Variants in CFAP54 observed in about 807,000 individuals in gnomAD.
The protein encoded by CFAP54 is cilia and flagella associated protein 54.
A neutral mutation model predicts 370.4 loss-of-function variants in CFAP54; 290 were observed. That is an observed-to-expected ratio of 0.78 (90% CI 0.71 to 0.86). The LOEUF (loss-of-function observed/expected upper bound fraction) is 0.86. Among genes scored for constraint, CFAP54 ranks in the 40% least tolerant of loss-of-function variants. The probability of loss-of-function intolerance (pLI) is 0.00; values close to 1 mark genes in which losing one functional copy is unlikely to be tolerated. For missense variants in CFAP54, 3,399 were observed against 3,528.7 expected (o/e 0.96, Z 0.93); for synonymous variants, 1,206 against 1,236.5 (o/e 0.98, Z 0.52).
At chr12:96,496,914 G>A (rs1954961013) in intron 1 of CFAP54, among the ~76,000 whole-genome samples, 1 of 152,174 alleles carries the variant, frequency 6.6e-6, no homozygotes, top group Admixed American at 6.5e-5. Context: ...AATGCTGTTT[G>A]TTTTGTTTTT....
At chr12:96,668,931 G>A (rs1957111869) in intron 39 of CFAP54, among the ~76,000 whole-genome samples, 1 of 152,154 alleles carries the variant, frequency 6.6e-6, no homozygotes, top group African/African-American at 2.4e-5. Flanking sequence ...CATTTACTGA[G>A]TATCTGCTAT....
At chr12:96,616,356 C>G (rs2136460229) in intron 26 of CFAP54, among the ~76,000 whole-genome samples, 1 of 145,566 alleles carries the variant, frequency 6.9e-6, no homozygotes, top group African/African-American at 2.6e-5. Context: ...ACACCGGGGC[C>G]TGTCGTGGGG....
At chr12:96,716,670 T>A (rs1033477158) in intron 48 of CFAP54, among the ~76,000 whole-genome samples, 1 of 152,210 alleles carries the variant, frequency 6.6e-6, no homozygotes, top group African/African-American at 2.4e-5. Context: ...ACCCAAGTGC[T>A]GCTATCCTGG....
At chr12:96,572,206 G>T (rs943708550) in intron 19 of CFAP54, among the ~76,000 whole-genome samples, 2 of 152,180 alleles carry the variant, frequency 1.3e-5, no homozygotes, top group East Asian at 3.9e-4. Context: ...TGTTTAGAGG[G>T]TGTGGACAGG....
chr12:96,506,869 G>A, intron 3 of CFAP54, 59 bp from the exon 4 acceptor site: 1 of 1,432,358 alleles, frequency 7.0e-7, no homozygotes, highest in Non-Finnish European at 9.3e-7. Context: ...TTACAGGTGT[G>A]AGCTACTGTT....
intron 36 of CFAP54, among the ~76,000 whole-genome samples, chr12:96,655,200 T>C (rs532146957): frequency 3.2e-4 from 48 of 151,826 alleles, no homozygotes; most frequent in Non-Finnish European, 5.7e-4. Flanking sequence ...GTTTTTTTTT[T>C]CCACCAAAGG....
chr12:96,550,169 T>A (rs1955680013), intron 15 of CFAP54, among the ~76,000 whole-genome samples: 1 of 151,976 alleles, frequency 6.6e-6, no homozygotes. Flanking sequence ...TTTAGTTAAA[T>A]GTCGACTGTG....
chr12:96,619,198 T>C (rs1460532330), intron 26 of CFAP54, among the ~76,000 whole-genome samples: 1 of 152,120 alleles, frequency 6.6e-6, no homozygotes, highest in Admixed American at 6.6e-5. Context: ...AAACAAGTAA[T>C]ATATTAATGT....
chr12:96,845,991 A>G (rs1437023611), intron 66 of CFAP54, among the ~76,000 whole-genome samples: 1 of 152,206 alleles, frequency 6.6e-6, no homozygotes, highest in East Asian at 1.9e-4. Context: ...TTTGACCTCC[A>G]TCATAACAGT....
intron 66 of CFAP54, among the ~76,000 whole-genome samples, chr12:96,846,683 A>AT (rs1256759009): frequency 6.6e-6 from 1 of 152,148 alleles, no homozygotes; most frequent in African/African-American, 2.4e-5. Context: ...GGTGGAGGTG[A>AT]TACTGTCAAC....
intron 66 of CFAP54, among the ~76,000 whole-genome samples, chr12:96,832,486 AGTT>A (rs779925929): frequency 1.3e-5 from 2 of 152,004 alleles, no homozygotes; most frequent in Non-Finnish European, 2.9e-5. Context: ...AACCTCTCAC[AGTT>A]GTTGTGAAGA....
At chr12:96,869,933 CAAAAAAA>C (rs760992300) in intron 67 of CFAP54, among the ~76,000 whole-genome samples, 6 of 36,866 alleles carry the variant, frequency 1.6e-4, no homozygotes, top group South Asian at 9.2e-4. Flanking sequence ...AAAACTCCGT[CAAAAAAA>C]AAAAAAAAAA....
intron 32 of CFAP54, among the ~76,000 whole-genome samples, chr12:96,640,409 C>T (rs535059718): frequency 2.3e-4 from 35 of 152,248 alleles, no homozygotes; most frequent in Admixed American, 7.9e-4. Flanking sequence ...CAAACCACTG[C>T]TCAATGAAAT....
intron 60 of CFAP54, among the ~76,000 whole-genome samples, chr12:96,771,453 C>T (rs931258795): frequency 6.6e-6 from 1 of 152,158 alleles, no homozygotes; most frequent in Non-Finnish European, 1.5e-5. Context: ...GAGATGGAGA[C>T]CATCCTGGCT....
chr12:96,630,400 G>A (rs1020059660), intron 31 of CFAP54, 151 bp from the exon 32 acceptor site: 14 of 593,886 alleles, frequency 2.4e-5, no homozygotes, highest in African/African-American at 2.3e-4. Context: ...TTGTCTACAG[G>A]GGTACTTCTG....
chr12:96,599,043 T>G (rs1956210340), intron 26 of CFAP54, among the ~76,000 whole-genome samples: 1 of 152,166 alleles, frequency 6.6e-6, no homozygotes, highest in Non-Finnish European at 1.5e-5. Context: ...AGTTCTAGGC[T>G]ACATGTGCAC....
At chr12:96,514,773 C>G (rs1955211555) in intron 5 of CFAP54, among the ~76,000 whole-genome samples, 2 of 152,108 alleles carry the variant, frequency 1.3e-5, no homozygotes, top group Admixed American at 1.3e-4. Context: ...TTGAGTTTGT[C>G]TCTGATAAAA....
intron 65 of CFAP54, among the ~76,000 whole-genome samples, chr12:96,821,820 A>C (rs189188867): frequency 1.3e-5 from 2 of 152,050 alleles, no homozygotes; most frequent in African/African-American, 4.8e-5. Context: ...GTTAAGTAGG[A>C]CACTTCTAAA....
chr12:96,687,220 T>G (rs550436890), intron 42 of CFAP54, among the ~76,000 whole-genome samples: 3 of 152,218 alleles, frequency 2.0e-5, no homozygotes, highest in African/African-American at 7.2e-5. Context: ...TCCAGGATAA[T>G]CTTCCTTATC....
Sources: allele counts gnomAD v4.1 joint callset (sites outside exome capture counted in the v4.1 genomes callset), GRCh38; gene constraint gnomAD v4.1.1; transcripts MANE v1.5; gene names NCBI Gene and HGNC (gene_info 2026-07-23, HGNC 2026-07-21).